The following DCC variants were observed in gnomAD, a reference collection of about 807,000 sequenced individuals.
The protein encoded by DCC is DCC netrin 1 receptor.
DCC carries 58 observed loss-of-function variants against 172.5 expected under a neutral mutation model. The observed-to-expected ratio is 0.34, with a 90% confidence interval of 0.27 to 0.42. The LOEUF (loss-of-function observed/expected upper bound fraction) is 0.42. Ranked by LOEUF, DCC falls within the 10% of genes least tolerant of loss-of-function variation. The pLI, the probability that DCC is intolerant of heterozygous loss-of-function variation, is 1.00. For synonymous variants in DCC, 709 were observed against 644.5 expected (o/e 1.10, Z -1.52); for missense variants, 1,740 against 1,791.0 (o/e 0.97, Z 0.51).
chr18:52,657,113 CG>C (rs1312397299), intron 1 of DCC, among the ~76,000 whole-genome samples: 31 of 152,306 alleles, frequency 2.0e-4, no homozygotes, highest in African/African-American at 7.0e-4. Flanking sequence ...CAGTATTGTG[CG>C]GCAAGATTGA....
intron 1 of DCC, among the ~76,000 whole-genome samples, chr18:52,699,408 A>T (rs1016539407): frequency 2.0e-5 from 3 of 152,176 alleles, no homozygotes; most frequent in African/African-American, 7.2e-5. Flanking sequence ...ATTATCCCCT[A>T]TCCCCCCCAA....
At chr18:53,172,380 T>C (rs2055026554) in intron 8 of DCC, among the ~76,000 whole-genome samples, 1 of 152,100 alleles carries the variant, frequency 6.6e-6, no homozygotes, top group Non-Finnish European at 1.5e-5. Flanking sequence ...TACTACCTGG[T>C]CATGACAAGA....
intron 23 of DCC, among the ~76,000 whole-genome samples, chr18:53,457,725 A>T (rs2045500955): frequency 1.3e-5 from 2 of 152,222 alleles, no homozygotes; most frequent in Admixed American, 1.3e-4. Context: ...TCTTAGACAC[A>T]TAGACACTTA....
intron 1 of DCC, among the ~76,000 whole-genome samples, chr18:52,373,842 T>C (rs1985228321): frequency 6.6e-6 from 1 of 151,264 alleles, no homozygotes; most frequent in Non-Finnish European, 1.5e-5. Flanking sequence ...GCTTTTGCAA[T>C]AAGAAAACAA....
At chr18:52,557,179 C>T (rs1485763135) in intron 1 of DCC, among the ~76,000 whole-genome samples, 3 of 152,126 alleles carry the variant, frequency 2.0e-5, no homozygotes, top group Non-Finnish European at 4.4e-5. Context: ...TCAAGCAAAT[C>T]CAGTGTATGA....
At chr18:52,838,194 C>T (rs547153302) in intron 2 of DCC, among the ~76,000 whole-genome samples, 1 of 151,990 alleles carries the variant, frequency 6.6e-6, no homozygotes, top group Middle Eastern at 3.2e-3. Context: ...TCTATTTGTC[C>T]TTATTTTTAA....
At chr18:52,816,161 G>T (rs1051406832) in intron 2 of DCC, among the ~76,000 whole-genome samples, 1 of 152,162 alleles carries the variant, frequency 6.6e-6, no homozygotes, top group Non-Finnish European at 1.5e-5. Context: ...CAGTAACTTG[G>T]TCACACTCAC....
At chr18:52,607,587 AG>A (rs2034161692) in intron 1 of DCC, among the ~76,000 whole-genome samples, 1 of 152,174 alleles carries the variant, frequency 6.6e-6, no homozygotes, top group African/African-American at 2.4e-5. Context: ...TCTTCTTTAG[AG>A]GAAGTTTCTC....
At chr18:53,351,354 G>GTATA (rs58217311) in intron 15 of DCC, among the ~76,000 whole-genome samples, 1 of 37,178 alleles carries the variant, frequency 2.7e-5, no homozygotes, top group African/African-American at 8.1e-5. Flanking sequence ...TATATACACA[G>GTATA]TATATATATA....
intron 27 of DCC, among the ~76,000 whole-genome samples, chr18:53,525,073 A>G (rs750726587): frequency 1.4e-4 from 22 of 152,064 alleles, no homozygotes; most frequent in Non-Finnish European, 2.2e-4. Context: ...TCTTTGAACA[A>G]GTTACTAAGT....
intron 5 of DCC, among the ~76,000 whole-genome samples, chr18:53,009,488 AG>A (rs1360185257): frequency 1.3e-5 from 2 of 151,884 alleles, no homozygotes; most frequent in Non-Finnish European, 2.9e-5. Context: ...TTCTAGATTT[AG>A]GGTAAAAACA....
chr18:52,790,295 T>C (rs1287998374), intron 2 of DCC, among the ~76,000 whole-genome samples: 2 of 152,298 alleles, frequency 1.3e-5, no homozygotes, highest in East Asian at 1.9e-4. Flanking sequence ...ATGTTTTCTT[T>C]TGACAGAAAG....
chr18:52,400,094 C>A lies in DCC; in HGVS notation c.91+59216C>A, dbSNP rs186299519. Among the ~76,000 whole-genome samples, 346 of 151,952 alleles carry A rather than the reference C, an allele frequency of 2.3e-3. 3 individuals are homozygous for A. The highest frequency in any genetic ancestry group is 1.7e-3 in the Non-Finnish European group (117 of 67,906). On this transcript the variant is annotated intron_variant, in intron 1 of 28. Coordinates refer to ENST00000442544, the MANE Select transcript of DCC (RefSeq NM_005215.4). ...AAATATGTTTGAAAGTAGCATATCC[C>A]ATCAATAGCAATTCATAGCTCAACC... is the stretch of plus-strand genomic sequence containing the variant.
chr18:53,470,344 T>C (rs1031995317), intron 25 of DCC, among the ~76,000 whole-genome samples: 5 of 152,146 alleles, frequency 3.3e-5, no homozygotes, highest in Non-Finnish European at 7.3e-5. Flanking sequence ...CAGCCTGGAC[T>C]TCATTGTCCA....
At chr18:52,967,371 CTCTT>C (rs1260837878) in intron 5 of DCC, among the ~76,000 whole-genome samples, 1 of 152,172 alleles carries the variant, frequency 6.6e-6, no homozygotes, top group African/African-American at 2.4e-5. Context: ...ATTTGCAGGT[CTCTT>C]TCTTAATGAC....
At chr18:52,521,524 C>T (rs2031816291) in intron 1 of DCC, among the ~76,000 whole-genome samples, 1 of 152,026 alleles carries the variant, frequency 6.6e-6, no homozygotes, top group Admixed American at 6.6e-5. Flanking sequence ...CCTACATGGC[C>T]CCATCACCAA....
At chr18:52,427,915 C>G (rs1036092591) in intron 1 of DCC, among the ~76,000 whole-genome samples, 3 of 143,728 alleles carry the variant, frequency 2.1e-5, no homozygotes, top group Non-Finnish European at 4.5e-5. Context: ...TTGAAACACT[C>G]AAAGTATTAT....
intron 2 of DCC, among the ~76,000 whole-genome samples, chr18:52,788,803 A>T (rs1382572150): frequency 6.6e-6 from 1 of 152,006 alleles, no homozygotes; most frequent in East Asian, 1.9e-4. Context: ...GCAAAGACAG[A>T]CCCCCCAAAA....
intron 5 of DCC, among the ~76,000 whole-genome samples, chr18:52,984,086 T>A (rs1351587014): frequency 1.3e-5 from 2 of 152,162 alleles, no homozygotes; most frequent in African/African-American, 4.8e-5. Flanking sequence ...TGTATGGCAC[T>A]GTTTATAATG....
Sources: gnomAD v4.1 joint callset for allele counts (sites outside exome capture counted in the v4.1 genomes callset) on GRCh38, gnomAD v4.1.1 for gene constraint, MANE v1.5 for transcripts, NCBI Gene and HGNC (gene_info 2026-07-23, HGNC 2026-07-21) for gene names.